The following REC114 variants were observed in gnomAD, a reference collection of about 807,000 sequenced individuals.
REC114 encodes REC114 meiotic recombination protein, also known as meiotic recombination protein REC114.
In REC114, 27 loss-of-function variants were observed where a neutral mutation model predicts 31.3. The ratio of observed to expected loss-of-function variants is 0.86; its 90% confidence interval spans 0.64 to 1.19. The LOEUF is 1.19. Ranked by LOEUF, REC114 falls within the 50% of genes most tolerant of loss-of-function variation. The probability of loss-of-function intolerance (pLI) is 0.00; values close to 1 mark genes in which losing one functional copy is unlikely to be tolerated. For missense variants in REC114, 344 were observed against 326.9 expected (o/e 1.05, Z -0.40); for synonymous variants, 134 against 127.7 (o/e 1.05, Z -0.33).
chr15:73,514,929 ATTT>A (rs34985483), intron 2 of REC114, among the ~76,000 whole-genome samples: 103 of 132,650 alleles, frequency 7.8e-4, no homozygotes, highest in African/African-American at 2.2e-3. Context: ...TAACACTCTG[ATTT>A]TTTTTTTTTT....
At chr15:73,468,066 G>A (rs1264226016) in intron 1 of REC114, among the ~76,000 whole-genome samples, 2 of 152,032 alleles carry the variant, frequency 1.3e-5, no homozygotes, top group South Asian at 2.1e-4. Context: ...GATAATTCAG[G>A]GCTATCCCTC....
intron 2 of REC114, among the ~76,000 whole-genome samples, chr15:73,524,326 C>T (rs1331378534): frequency 6.6e-6 from 1 of 152,148 alleles, no homozygotes; most frequent in South Asian, 2.1e-4. Context: ...ATGGATAAAT[C>T]ATTTTAAGAA....
chr15:73,448,919 A>G (rs1372589778), intron 1 of REC114, among the ~76,000 whole-genome samples: 1 of 152,196 alleles, frequency 6.6e-6, no homozygotes, highest in Non-Finnish European at 1.5e-5. Flanking sequence ...TGTTAGAAGG[A>G]AAACAAACAA....
At chr15:73,516,958 G>T (rs1216785655) in intron 2 of REC114, among the ~76,000 whole-genome samples, 4 of 152,136 alleles carry the variant, frequency 2.6e-5, no homozygotes, top group Non-Finnish European at 5.9e-5. Flanking sequence ...TCCAAAGTTG[G>T]AGTATTTTGT....
At chr15:73,473,612 G>A (rs1344499256) in intron 1 of REC114, among the ~76,000 whole-genome samples, 1 of 152,056 alleles carries the variant, frequency 6.6e-6, no homozygotes, top group Admixed American at 6.6e-5. Context: ...CAAAATATTG[G>A]CTTTTAATTT....
intron 2 of REC114, among the ~76,000 whole-genome samples, chr15:73,496,681 G>A (rs1192677398): frequency 4.0e-5 from 6 of 150,816 alleles, no homozygotes; most frequent in Non-Finnish European, 7.4e-5. Context: ...TGCAAACGTA[G>A]TATAAGGAAT....
chr15:73,513,768 G>A (rs1291928834), intron 2 of REC114, among the ~76,000 whole-genome samples: 1 of 151,062 alleles, frequency 6.6e-6, no homozygotes, highest in Non-Finnish European at 1.5e-5. Flanking sequence ...GGGGTCAGGG[G>A]TCAGGGACCC....
intron 2 of REC114, among the ~76,000 whole-genome samples, chr15:73,511,643 G>T (rs1401194582): frequency 6.9e-6 from 1 of 144,224 alleles, no homozygotes; most frequent in Admixed American, 6.9e-5. Context: ...GGTATGTTGT[G>T]TCTTTGTTCT....
chr15:73,468,759 A>G (rs534346060), intron 1 of REC114, among the ~76,000 whole-genome samples: 3 of 151,750 alleles, frequency 2.0e-5, no homozygotes, highest in South Asian at 2.1e-4. Context: ...TTTTAAAATC[A>G]GGAATAGATG....
At chr15:73,473,997 C>A in intron 2 of REC114, 76 bp downstream of exon 2, 1 of 909,126 alleles carries the variant, frequency 1.1e-6, no homozygotes. Flanking sequence ...TTTGTATCCT[C>A]AAGCTTCTTC....
Position 73,527,934 on chromosome 15 carries a change from T to C in REC114, c.250-12551T>C, listed in dbSNP as rs553697969. Among the ~76,000 whole-genome samples, 8 of 152,276 alleles carry C rather than the reference T, an allele frequency of 5.3e-5. No homozygotes were observed. The South Asian group carries it at 8.3e-4, about 16-fold the overall frequency. Reference sequence around the variant, plus strand: ...TCTGATACCTTGAGATTGCTAAGGCTATATCAAAAGGACAGGGCCAACTTG... The same window carrying C: ...TCTGATACCTTGAGATTGCTAAGGCCATATCAAAAGGACAGGGCCAACTTG... On this transcript the variant is annotated intron_variant, in intron 2 of 5. Transcript: ENST00000331090.
chr15:73,528,684 A>G (rs543860150), intron 2 of REC114, among the ~76,000 whole-genome samples: 1 of 152,344 alleles, frequency 6.6e-6, no homozygotes, highest in Non-Finnish European at 1.5e-5. Context: ...AGCGTTCATA[A>G]AAAGGTTTTG....
chr15:73,481,643 T>A (rs2141297214), intron 2 of REC114, among the ~76,000 whole-genome samples: 1 of 150,186 alleles, frequency 6.7e-6, no homozygotes, highest in East Asian at 2.0e-4. Flanking sequence ...TTTACCATCT[T>A]AACTCCCTTT....
chr15:73,523,611 G>A (rs866132664), intron 2 of REC114, among the ~76,000 whole-genome samples: 5 of 152,150 alleles, frequency 3.3e-5, no homozygotes, highest in East Asian at 1.9e-4. Flanking sequence ...TTGCTTTAAC[G>A]TATATATGTT....
At chr15:73,450,836 C>T (rs1175904752) in intron 1 of REC114, among the ~76,000 whole-genome samples, 1 of 152,226 alleles carries the variant, frequency 6.6e-6, no homozygotes, top group Non-Finnish European at 1.5e-5. Context: ...GACACTCACT[C>T]AAAACCGCAC....
At chr15:73,475,070 T>C (rs984705989) in intron 2 of REC114, among the ~76,000 whole-genome samples, 7 of 152,338 alleles carry the variant, frequency 4.6e-5, no homozygotes, top group African/African-American at 1.4e-4. Context: ...GAATACCTAG[T>C]GCACAGTTAG....
At chr15:73,523,635 C>T (rs931335464) in intron 2 of REC114, among the ~76,000 whole-genome samples, 12 of 152,266 alleles carry the variant, frequency 7.9e-5, no homozygotes, top group African/African-American at 2.9e-4. Flanking sequence ...AATACTTTTT[C>T]TTAATCTGTG....
intron 3 of REC114, among the ~76,000 whole-genome samples, chr15:73,547,877 G>A (rs1260174257): frequency 3.3e-5 from 5 of 152,116 alleles, no homozygotes; most frequent in African/African-American, 1.2e-4. Flanking sequence ...CAAAGATTTC[G>A]TGACAAAGAT....
chr15:73,557,437 A>G (rs1186911656), intron 5 of REC114, among the ~76,000 whole-genome samples: 1 of 151,780 alleles, frequency 6.6e-6, no homozygotes, highest in African/African-American at 2.4e-5. Context: ...AAAAAAAGAA[A>G]AAAAGGGTTT....
Sources: allele counts gnomAD v4.1 joint callset (sites outside exome capture counted in the v4.1 genomes callset), GRCh38; gene constraint gnomAD v4.1.1; transcripts MANE v1.5; gene names NCBI Gene and HGNC (gene_info 2026-07-23, HGNC 2026-07-21).